PLCB1: variants seen among roughly 807,000 people sequenced by gnomAD.
The protein encoded by PLCB1 is 1-phosphatidylinositol 4,5-bisphosphate phosphodiesterase beta-1.
Under a neutral mutation model 161.8 loss-of-function variants are expected in PLCB1, and 46 were observed. The ratio of observed to expected loss-of-function variants is 0.28; its 90% CI spans 0.22 to 0.36. The LOEUF (loss-of-function observed/expected upper bound fraction) is 0.36. PLCB1 is among the 10% of genes least tolerant of loss of function. The pLI is 1.00. For synonymous variants in PLCB1, 517 were observed against 503.7 expected, an observed-to-expected ratio of 1.03 and a Z score of -0.35; for missense variants, 1,016 against 1,472.5, an observed-to-expected ratio of 0.69 and a Z score of 5.07.
chr20:8,273,346 A>G (rs1373767939), intron 2 of PLCB1, among the ~76,000 whole-genome samples: 1 of 152,160 alleles, frequency 6.6e-6, no homozygotes, highest in Non-Finnish European at 1.5e-5. Flanking sequence ...ACTTAAGTCT[A>G]AAGGTCTCGA....
intron 27 of PLCB1, among the ~76,000 whole-genome samples, chr20:8,785,324 T>G (rs1487745235): frequency 6.6e-6 from 1 of 151,992 alleles, no homozygotes; most frequent in Non-Finnish European, 1.5e-5. Flanking sequence ...TGATCTGGAG[T>G]AGGGCCCGAG....
chr20:8,374,865 A>T (rs946821552), intron 3 of PLCB1, among the ~76,000 whole-genome samples: 18 of 152,138 alleles, frequency 1.2e-4, no homozygotes, highest in Non-Finnish European at 7.4e-5. Context: ...GCACCCCACA[A>T]ATATTTATCT....
At chr20:8,843,470 T>C (rs6140755) in intron 31 of PLCB1, among the ~76,000 whole-genome samples, 50,012 of 152,062 alleles carry the variant, frequency 0.33, 9,042 homozygotes, top group East Asian at 0.63. Flanking sequence ...AGTAATTTGA[T>C]GCAGTGGTAT....
At chr20:8,509,534 G>A (rs1236952327) in intron 3 of PLCB1, among the ~76,000 whole-genome samples, 1 of 152,176 alleles carries the variant, frequency 6.6e-6, no homozygotes, top group Non-Finnish European at 1.5e-5. Context: ...AAAGTACCAT[G>A]AAGAGGAGGT....
rs754723607 is a variant in PLCB1 at position 8,681,110 on chromosome 20, ATATATATAT to A, written c.863-3821_863-3813del. On this transcript the variant is annotated intron_variant, in intron 9 of 31. Transcript: ENST00000338037. ...TGTATATATATATATATATATATAT[ATATATATAT>A]AATATATATAAAATCAGTGTCTCAT... Among the ~76,000 whole-genome samples, 212 of 111,508 alleles carry A rather than the reference ATATATATAT, an allele frequency of 1.9e-3. 4 individuals carry two copies. The highest frequency in any genetic ancestry group is 0.01 in the South Asian group (33 of 3,194). 73.2% of individuals were successfully genotyped at this position (111,508 alleles called of 152,430 possible). A position where few individuals can be genotyped will look rare whatever the true frequency, so the allele number is the denominator to read the frequency against.
chr20:8,316,143 T>C (rs1287723283), intron 2 of PLCB1, among the ~76,000 whole-genome samples: 2 of 152,234 alleles, frequency 1.3e-5, no homozygotes, highest in African/African-American at 2.4e-5. Flanking sequence ...CTTATGTTTC[T>C]GACACTGCTA....
chr20:8,361,191 A>G (rs1452520143), intron 2 of PLCB1, among the ~76,000 whole-genome samples: 1 of 152,230 alleles, frequency 6.6e-6, no homozygotes, highest in African/African-American at 2.4e-5. Context: ...CAATGTGGAA[A>G]TTGCTGCTTT....
At chr20:8,650,379 C>T (rs1038687382) in intron 7 of PLCB1, among the ~76,000 whole-genome samples, 4 of 152,066 alleles carry the variant, frequency 2.6e-5, no homozygotes, top group Non-Finnish European at 5.9e-5. Flanking sequence ...GATCCAATGA[C>T]CCAAAAATTG....
At chr20:8,802,058 G>A (rs113051085) in intron 31 of PLCB1, 2 of 1,583,496 alleles carry the variant, frequency 1.3e-6, no homozygotes, top group South Asian at 1.1e-5. Flanking sequence ...CCACACAGGG[G>A]GAAGGTTCCT....
intron 31 of PLCB1, among the ~76,000 whole-genome samples, chr20:8,868,120 T>C (rs1418099644): frequency 2.0e-5 from 3 of 152,212 alleles, no homozygotes; most frequent in Non-Finnish European, 4.4e-5. Context: ...TTTTATGGTA[T>C]CCGATTCTTT....
chr20:8,605,629 A>G (rs1600187317), intron 3 of PLCB1, among the ~76,000 whole-genome samples: 1 of 136,226 alleles, frequency 7.3e-6, no homozygotes, highest in Admixed American at 7.4e-5. Flanking sequence ...TTTTTTTTTT[A>G]AAGAAAAAAG....
intron 2 of PLCB1, among the ~76,000 whole-genome samples, chr20:8,168,530 G>A (rs948887655): frequency 2.6e-5 from 4 of 152,140 alleles, no homozygotes; most frequent in African/African-American, 7.2e-5. Flanking sequence ...AAGGTTATAG[G>A]GAAGTAAAGC....
chr20:8,255,688 A>G (rs1044121066), intron 2 of PLCB1, among the ~76,000 whole-genome samples: 1 of 152,134 alleles, frequency 6.6e-6, no homozygotes, highest in African/African-American at 2.4e-5. Context: ...ATACCAAGGA[A>G]AATAAATTAA....
intron 3 of PLCB1, among the ~76,000 whole-genome samples, chr20:8,459,960 GA>G (rs1981503165): frequency 6.6e-6 from 1 of 152,194 alleles, no homozygotes; most frequent in Non-Finnish European, 1.5e-5. Context: ...GTGCTCCTAT[GA>G]AGCCACCTTA....
chr20:8,340,676 G>A (rs1230982947), intron 2 of PLCB1, among the ~76,000 whole-genome samples: 1 of 151,888 alleles, frequency 6.6e-6, no homozygotes, highest in Non-Finnish European at 1.5e-5. Flanking sequence ...CGCCCGCCTC[G>A]GCCTCCCAAA....
At chr20:8,227,690 G>T (rs912771244) in intron 2 of PLCB1, among the ~76,000 whole-genome samples, 2 of 152,104 alleles carry the variant, frequency 1.3e-5, no homozygotes, top group African/African-American at 4.8e-5. Flanking sequence ...TTATGTACAG[G>T]TTGGCAATCA....
At chr20:8,281,005 T>C (rs1188241137) in intron 2 of PLCB1, among the ~76,000 whole-genome samples, 2 of 152,248 alleles carry the variant, frequency 1.3e-5, no homozygotes, top group African/African-American at 4.8e-5. Flanking sequence ...ATCTTTGGCC[T>C]TCTGGATAGC....
chr20:8,826,173 GA>G (rs763920575), intron 31 of PLCB1, among the ~76,000 whole-genome samples: 9 of 152,120 alleles, frequency 5.9e-5, no homozygotes, highest in Non-Finnish European at 7.4e-5. Context: ...AAAATGGAAG[GA>G]AAGTGGAGAG....
chr20:8,219,778 A>G (rs543247218), intron 2 of PLCB1, among the ~76,000 whole-genome samples: 19 of 152,294 alleles, frequency 1.2e-4, no homozygotes, highest in African/African-American at 4.1e-4. Context: ...TAAAAGTTAC[A>G]TTATTAGAGG....
Sources: allele counts gnomAD v4.1 joint callset (sites outside exome capture counted in the v4.1 genomes callset), GRCh38; gene constraint gnomAD v4.1.1; transcripts MANE v1.5; gene names NCBI Gene and HGNC (gene_info 2026-07-23, HGNC 2026-07-21).